Variants in MLIP observed in about 807,000 individuals in gnomAD.
The protein encoded by MLIP is muscular LMNA interacting protein, also known as muscular LMNA-interacting protein.
Under a neutral mutation model 84.8 loss-of-function variants are expected in MLIP, and 79 were observed. That is an observed-to-expected ratio of 0.93 (90% CI 0.78 to 1.12). The LOEUF is 1.12. Among genes scored for constraint, MLIP ranks in the 50% most tolerant of loss-of-function variants. The pLI, the probability that MLIP is intolerant of heterozygous loss-of-function variation, is 0.00. For synonymous variants in MLIP, 504 were observed against 463.0 expected (o/e 1.09, Z -1.14); for missense variants, 1,257 against 1,160.6 (o/e 1.08, Z -1.21).
Position 54,103,423 on chromosome 6 carries a change from G to C in MLIP, c.64-18024G>C, listed in dbSNP as rs1768793023. On this transcript the variant is annotated intron_variant, in intron 1 of 12. Coordinates refer to the MLIP transcript ENST00000274897. ...CACTCTTGAAAGCGTTTCAGTTTGT[G>C]CGATAAATTCTATGGTCATAAATAA... Among the ~76,000 whole-genome samples the C allele has an allele frequency of 2.0e-5, 3 of 152,252 alleles. 1 individual carries two copies. The South Asian group carries it at 6.2e-4, about 32-fold the overall frequency.
At chr6:54,193,934 G>T (rs1277916002) in intron 10 of MLIP, among the ~76,000 whole-genome samples, 6 of 152,212 alleles carry the variant, frequency 3.9e-5, no homozygotes, top group African/African-American at 1.4e-4. Flanking sequence ...CTAAACCCTG[G>T]TCTTCTTTGG....
At chr6:54,157,013 T>G (rs1473562175) in intron 5 of MLIP, among the ~76,000 whole-genome samples, 2 of 152,054 alleles carry the variant, frequency 1.3e-5, no homozygotes, top group African/African-American at 4.8e-5. Flanking sequence ...ATTCTGTAAG[T>G]GAACTGAGAG....
intron 11 of MLIP, among the ~76,000 whole-genome samples, chr6:54,206,751 T>C (rs932022347): frequency 1.3e-5 from 2 of 152,200 alleles, no homozygotes; most frequent in African/African-American, 4.8e-5. Flanking sequence ...CAAGTTGTAT[T>C]TCAACTGTGA....
intron 1 of MLIP, among the ~76,000 whole-genome samples, chr6:54,081,496 C>G (rs554780713): frequency 6.6e-6 from 1 of 152,296 alleles, no homozygotes; most frequent in East Asian, 1.9e-4. Flanking sequence ...CAACCTCCGC[C>G]TCCCAGGTTC....
intron 1 of MLIP, among the ~76,000 whole-genome samples, chr6:54,076,175 C>T (rs1308273578): frequency 6.6e-6 from 1 of 152,152 alleles, no homozygotes; most frequent in Non-Finnish European, 1.5e-5. Context: ...ACTTCCAATC[C>T]TCTCCTTCCC....
chr6:54,139,302 A>T (rs1283131184), intron 4 of MLIP, among the ~76,000 whole-genome samples: 1 of 152,234 alleles, frequency 6.6e-6, no homozygotes, highest in Non-Finnish European at 1.5e-5. Context: ...TGTAAGTCAG[A>T]TTATAAATAA....
chr6:54,057,142 A>AG (rs1429541860), intron 1 of MLIP, among the ~76,000 whole-genome samples: 4 of 152,236 alleles, frequency 2.6e-5, no homozygotes, highest in Admixed American at 2.6e-4. Context: ...CAAAGCACTG[A>AG]GAAATTAAAT....
intron 3 of MLIP, among the ~76,000 whole-genome samples, chr6:54,131,115 C>T (rs494180): frequency 0.98 from 149,810 of 152,328 alleles, 73,721 homozygotes; most frequent in East Asian, 1. Context: ...ATTAGTTTTC[C>T]GTTGTACAAT....
chr6:54,022,452 G>C (rs1763548896), intron 1 of MLIP, among the ~76,000 whole-genome samples: 3 of 152,068 alleles, frequency 2.0e-5, no homozygotes, highest in Non-Finnish European at 4.4e-5. Flanking sequence ...TGCATTTTTG[G>C]AATAATGATA....
At chr6:54,186,885 T>A (rs143192331) in intron 9 of MLIP, among the ~76,000 whole-genome samples, 1,900 of 152,260 alleles carry the variant, frequency 0.012, 45 homozygotes, top group African/African-American at 0.042. Context: ...CATGTGTGCA[T>A]CAGACCCTAG....
At chr6:54,230,974 T>C (rs1393222769) in intron 12 of MLIP, 57 bp downstream of exon 12, 1 of 1,502,104 alleles carries the variant, frequency 6.7e-7, no homozygotes, top group African/African-American at 1.4e-5. Flanking sequence ...TCATTACGCT[T>C]GACTTTTAAA....
intron 4 of MLIP, among the ~76,000 whole-genome samples, chr6:54,146,693 C>T (rs182189247): frequency 1.3e-5 from 2 of 152,204 alleles, no homozygotes; most frequent in African/African-American, 4.8e-5. Context: ...AAATGACCTT[C>T]TATATCACTT....
chr6:54,151,659 G>C (rs1773456324), intron 5 of MLIP, among the ~76,000 whole-genome samples: 1 of 152,058 alleles, frequency 6.6e-6, no homozygotes. Context: ...CTTGAAGCTG[G>C]AGCTAACAAA....
intron 4 of MLIP, among the ~76,000 whole-genome samples, chr6:54,139,085 G>A (rs923003707): frequency 1.3e-5 from 2 of 152,086 alleles, no homozygotes; most frequent in South Asian, 2.1e-4. Context: ...TCAAAAACAT[G>A]CATTAAATAC....
intron 1 of MLIP, among the ~76,000 whole-genome samples, chr6:54,091,060 C>T (rs1054792758): frequency 6.6e-6 from 1 of 152,096 alleles, no homozygotes; most frequent in Non-Finnish European, 1.5e-5. Flanking sequence ...AGAAACGTCC[C>T]TTGCCTCTAC....
At chr6:54,035,459 C>A (rs1396264745) in intron 1 of MLIP, among the ~76,000 whole-genome samples, 71 of 152,032 alleles carry the variant, frequency 4.7e-4, no homozygotes, top group Non-Finnish European at 1.0e-4. Context: ...AATGGGTTTT[C>A]ATTTCTCTGG....
At chr6:54,193,943 G>A (rs1778116454) in intron 10 of MLIP, among the ~76,000 whole-genome samples, 1 of 152,090 alleles carries the variant, frequency 6.6e-6, no homozygotes, top group South Asian at 2.1e-4. Context: ...GGTCTTCTTT[G>A]GCAGTAGGGG....
chr6:54,039,367 G>T (rs1207858980), intron 1 of MLIP, among the ~76,000 whole-genome samples: 1 of 151,926 alleles, frequency 6.6e-6, no homozygotes, highest in Non-Finnish European at 1.5e-5. Context: ...GAATAAGTAT[G>T]TTGGATTAAA....
chr6:54,093,908 AC>A (rs1161656477), intron 1 of MLIP, among the ~76,000 whole-genome samples: 1 of 152,162 alleles, frequency 6.6e-6, no homozygotes, highest in African/African-American at 2.4e-5. Context: ...CTGGCCCCTT[AC>A]AGAAAGAGTT....
Sources: allele counts gnomAD v4.1 joint callset (sites outside exome capture counted in the v4.1 genomes callset), GRCh38; gene constraint gnomAD v4.1.1; transcripts MANE v1.5; gene names NCBI Gene and HGNC (gene_info 2026-07-23, HGNC 2026-07-21).